RAP2A: variants seen among roughly 807,000 people sequenced by gnomAD.
RAP2A encodes ras-related protein Rap-2a.
RAP2A carries 5 observed loss-of-function variants against 15.1 expected under a neutral mutation model. The observed-to-expected ratio is 0.33, with a 90% CI of 0.17 to 0.70. The LOEUF is 0.70. Among genes scored for constraint, RAP2A ranks in the 30% least tolerant of loss-of-function variants. The pLI is 0.68. For missense variants in RAP2A, 111 were observed against 240.3 expected (o/e 0.46, Z 3.56); for synonymous variants, 110 against 99.7 (o/e 1.10, Z -0.62).
intron 1 of RAP2A, among the ~76,000 whole-genome samples, chr13:97,440,008 T>C (rs2066650423): frequency 6.6e-6 from 1 of 152,174 alleles, no homozygotes; most frequent in Admixed American, 6.5e-5. Context: ...TAAAGCCTAC[T>C]CTAAAACAGA....
At chr13:97,452,822 A>T (rs1410968668) in intron 1 of RAP2A, among the ~76,000 whole-genome samples, 1 of 151,358 alleles carries the variant, frequency 6.6e-6, no homozygotes, top group Non-Finnish European at 1.5e-5. Flanking sequence ...TTCTGTAAGC[A>T]TTGGTTTGTA....
intron 1 of RAP2A, among the ~76,000 whole-genome samples, chr13:97,454,720 C>T (rs1362276376): frequency 6.6e-6 from 1 of 151,372 alleles, no homozygotes; most frequent in Non-Finnish European, 1.5e-5. Flanking sequence ...TTTCTTTCCT[C>T]ATTTTTAAAA....
At chr13:97,442,866 G>A (rs1441180863) in intron 1 of RAP2A, among the ~76,000 whole-genome samples, 1 of 152,120 alleles carries the variant, frequency 6.6e-6, no homozygotes, top group African/African-American at 2.4e-5. Flanking sequence ...CTGTAATTCA[G>A]AGAAAGATAG....
At chr13:97,442,257 A>G (rs1272256558) in intron 1 of RAP2A, among the ~76,000 whole-genome samples, 1 of 152,150 alleles carries the variant, frequency 6.6e-6, no homozygotes, top group East Asian at 1.9e-4. Context: ...TTGTCATGGT[A>G]TGTATTAAAT....
At chr13:97,463,872 G>A (rs1261828517) in intron 1 of RAP2A, among the ~76,000 whole-genome samples, 2 of 152,018 alleles carry the variant, frequency 1.3e-5, no homozygotes, top group Admixed American at 6.6e-5. Context: ...GTGAAATTTT[G>A]TGCAACCCTC....
chr13:97,437,277 C>T (rs1303917254), intron 1 of RAP2A: 1 of 152,120 alleles, frequency 6.6e-6, no homozygotes. Context: ...TTTGACCTAC[C>T]ACATCTCAAT....
chr13:97,441,437 A>G (rs976870421), intron 1 of RAP2A, among the ~76,000 whole-genome samples: 5 of 152,166 alleles, frequency 3.3e-5, no homozygotes, highest in African/African-American at 1.2e-4. Context: ...TTCAGTAGCA[A>G]TATACTTGAG....
At position 97,458,091 on chromosome 13, in the gene RAP2A, C is replaced by G. The variant is rs183507103; in HGVS notation, c.315-6114C>G. On this transcript the variant is annotated intron_variant, in intron 1 of 1. Coordinates refer to ENST00000245304, the MANE Select transcript of RAP2A (RefSeq NM_021033.7). ...TGAGTTCCACGTCACTAAAAATGTT[C>G]AGACGTAAGCTCCAAAGCCATTTGG... 1.8e-3 allele frequency among the ~76,000 whole-genome samples: 270 copies of G among 152,220 alleles called. 1 individual carries two copies. The highest frequency in any genetic ancestry group is 6.0e-3 in the African/African-American group (250 of 41,546).
chr13:97,449,734 T>C (rs1215795667), intron 1 of RAP2A, among the ~76,000 whole-genome samples: 1 of 152,036 alleles, frequency 6.6e-6, no homozygotes, highest in Non-Finnish European at 1.5e-5. Flanking sequence ...TTATTTTTTT[T>C]TTCCATGTCA....
chr13:97,450,484 C>A (rs1033552879), intron 1 of RAP2A, among the ~76,000 whole-genome samples: 5 of 151,912 alleles, frequency 3.3e-5, no homozygotes, highest in Non-Finnish European at 5.9e-5. Flanking sequence ...TATATGTGCC[C>A]GAGCTTCAGT....
intron 1 of RAP2A, among the ~76,000 whole-genome samples, chr13:97,463,238 T>G (rs2066755927): frequency 6.6e-6 from 1 of 152,222 alleles, no homozygotes; most frequent in Non-Finnish European, 1.5e-5. Flanking sequence ...AAATGTGCAG[T>G]CCAGCACCAG....
intron 1 of RAP2A, among the ~76,000 whole-genome samples, chr13:97,447,925 A>G (rs142826993): frequency 2.6e-4 from 39 of 152,086 alleles, no homozygotes; most frequent in African/African-American, 9.4e-4. Context: ...TTCAGGCAGA[A>G]ACAAGACTTT....
At chr13:97,435,398 GA>G (rs1262124729) in intron 1 of RAP2A, among the ~76,000 whole-genome samples, 1 of 132,426 alleles carries the variant, frequency 7.6e-6, no homozygotes, top group Admixed American at 9.0e-5. Context: ...CCATTCACAG[GA>G]AAAGAATGCA....
intron 1 of RAP2A, among the ~76,000 whole-genome samples, chr13:97,454,581 G>C (rs2066715030): frequency 6.6e-6 from 1 of 151,134 alleles, no homozygotes; most frequent in Non-Finnish European, 1.5e-5. Context: ...CTGCTTTCCA[G>C]AGTTTTTGTA....
rs754695752 is a variant in RAP2A at position 97,464,752 on chromosome 13, A to G, written c.*310A>G. On this transcript the variant is annotated 3_prime_UTR_variant, in exon 2 of 2. Transcript: ENST00000245304. The stretch of plus-strand genomic sequence containing the variant: ...TGTCGCTGAGTTGACAGAAGCAACT[A>G]TTGTACAAATTAAAAATAACCATAA... 2 of 285,510 alleles carry G rather than the reference A, an allele frequency of 7.0e-6. No homozygotes were observed. Among genetic ancestry groups the G allele is most frequent in the East Asian group, 1.3e-4 (2 of 15,506 alleles). The allele number at this position is 285,510 out of a possible 1,614,324, so 17.7% of individuals were successfully genotyped here.
chr13:97,448,199 GA>G (rs1203707863), intron 1 of RAP2A, among the ~76,000 whole-genome samples: 4 of 152,254 alleles, frequency 2.6e-5, no homozygotes, highest in African/African-American at 9.6e-5. Context: ...TTTCAGACTA[GA>G]TGGTTAGTTT....
chr13:97,460,822 C>T (rs1407101974), intron 1 of RAP2A, among the ~76,000 whole-genome samples: 2 of 152,176 alleles, frequency 1.3e-5, no homozygotes, highest in Non-Finnish European at 1.5e-5. Context: ...GGATGTTCAG[C>T]ACAGGGACTC....
intron 1 of RAP2A, among the ~76,000 whole-genome samples, chr13:97,463,564 C>A (rs893108646): frequency 1.3e-5 from 2 of 152,152 alleles, no homozygotes; most frequent in African/African-American, 4.8e-5. Context: ...TTGATAGCTT[C>A]CATTTGGATG....
chr13:97,461,150 G>T (rs925454471), intron 1 of RAP2A, among the ~76,000 whole-genome samples: 2 of 152,062 alleles, frequency 1.3e-5, no homozygotes, highest in Non-Finnish European at 2.9e-5. Flanking sequence ...TACTATCAAA[G>T]AAATGAAATA....
Sources: allele counts gnomAD v4.1 joint callset (sites outside exome capture counted in the v4.1 genomes callset), GRCh38; gene constraint gnomAD v4.1.1; transcripts MANE v1.5; gene names NCBI Gene and HGNC (gene_info 2026-07-23, HGNC 2026-07-21).